SOX5: variants seen among roughly 807,000 people sequenced by gnomAD.
SOX5 encodes SRY-box transcription factor 5.
In SOX5, 9 loss-of-function variants were observed where a neutral mutation model predicts 92.0. The observed-to-expected ratio is 0.10, with a 90% CI of 0.06 to 0.17. The LOEUF (loss-of-function observed/expected upper bound fraction) is 0.17. Ranked by LOEUF, SOX5 falls within the 10% of genes least tolerant of loss-of-function variation. SOX5 has a pLI of 1.00. For synonymous variants in SOX5, 344 were observed against 336.3 expected, an observed-to-expected ratio of 1.02 and a Z score of -0.25; for missense variants, 642 against 944.5, an observed-to-expected ratio of 0.68 and a Z score of 4.20.
At chr12:23,585,928 T>G (rs1003338023) in intron 9 of SOX5, among the ~76,000 whole-genome samples, 1 of 152,104 alleles carries the variant, frequency 6.6e-6, no homozygotes, top group African/African-American at 2.4e-5. Flanking sequence ...TCACGGGCTA[T>G]GTAAATGGCA....
At chr12:23,780,236 A>AT (rs1162322062) in intron 3 of SOX5, among the ~76,000 whole-genome samples, 1 of 151,840 alleles carries the variant, frequency 6.6e-6, no homozygotes, top group Admixed American at 6.6e-5. Context: ...AAAGAGTGCT[A>AT]TTTTTTTCTT....
chr12:23,596,426 C>A (rs933559127), intron 9 of SOX5, among the ~76,000 whole-genome samples: 1 of 152,026 alleles, frequency 6.6e-6, no homozygotes, highest in Non-Finnish European at 1.5e-5. Context: ...TAAGAGAGAC[C>A]GCTAAAATTC....
At chr12:23,676,304 C>T (rs868690545) in intron 6 of SOX5, among the ~76,000 whole-genome samples, 9 of 152,074 alleles carry the variant, frequency 5.9e-5, no homozygotes, top group Admixed American at 2.0e-4. Context: ...CGTATACGTA[C>T]ATCAAAATAT....
intron 2 of SOX5, among the ~76,000 whole-genome samples, chr12:23,867,235 C>T (rs1463745468): frequency 6.6e-6 from 1 of 152,002 alleles, no homozygotes; most frequent in Non-Finnish European, 1.5e-5. Flanking sequence ...TCCATTAGTC[C>T]ATTTTCCACC....
intron 4 of SOX5, among the ~76,000 whole-genome samples, chr12:24,201,318 A>G (rs1957495463): frequency 1.3e-5 from 2 of 151,644 alleles, no homozygotes; most frequent in African/African-American, 4.8e-5. Flanking sequence ...AAAATCTGAT[A>G]AAATCACATG....
rs1295530885 is a variant in SOX5 at position 23,529,655 on chromosome 12, CCT to C, written c.*4562_*4563del. 2 of 151,910 alleles carry C rather than the reference CCT, an allele frequency of 1.3e-5. No individual in the cohort carries two copies. The highest frequency in any genetic ancestry group is 2.1e-4 in the South Asian group (1 of 4,824). The allele number at this position is 151,910 out of a possible 1,614,324, so 9.4% of individuals were successfully genotyped here. On this transcript the variant is annotated 3_prime_UTR_variant, in exon 15 of 15. Coordinates refer to ENST00000451604, the MANE Select transcript of SOX5 (RefSeq NM_006940.6). ...TCTTTTTTTTAAGAGCACATAAACT[CCT>C]GTTTTATTTTTATTGTGGCATGAAT...
chr12:23,591,155 A>G (rs1951489091), intron 9 of SOX5, among the ~76,000 whole-genome samples: 1 of 152,024 alleles, frequency 6.6e-6, no homozygotes, highest in Admixed American at 6.6e-5. Context: ...AACAATAGCT[A>G]GAAAGCATAT....
intron 2 of SOX5, among the ~76,000 whole-genome samples, chr12:23,866,644 C>G (rs907526136): frequency 2.6e-5 from 4 of 152,176 alleles, no homozygotes; most frequent in Admixed American, 2.6e-4. Context: ...ATAGTGAAAT[C>G]CAAAGTTTTT....
intron 6 of SOX5, among the ~76,000 whole-genome samples, chr12:23,692,607 T>C (rs528579349): frequency 6.6e-6 from 1 of 152,356 alleles, no homozygotes; most frequent in East Asian, 1.9e-4. Flanking sequence ...TATGTGTGTG[T>C]GAAAAGAATA....
chr12:24,216,510 T>A (rs1003689312), intron 3 of SOX5, among the ~76,000 whole-genome samples: 1 of 151,918 alleles, frequency 6.6e-6, no homozygotes, highest in Non-Finnish European at 1.5e-5. Flanking sequence ...AAATCCCATG[T>A]AATTAGAGTG....
intron 8 of SOX5, among the ~76,000 whole-genome samples, chr12:23,609,979 T>C (rs2075758601): frequency 1.3e-5 from 2 of 152,148 alleles, no homozygotes; most frequent in African/African-American, 4.8e-5. Flanking sequence ...TCATCTCTAA[T>C]GGCCCACTAT....
intron 3 of SOX5, among the ~76,000 whole-genome samples, chr12:23,759,878 G>A (rs1038229212): frequency 2.6e-5 from 4 of 152,084 alleles, no homozygotes; most frequent in African/African-American, 9.7e-5. Flanking sequence ...TTTGTACTAT[G>A]AATATGGTAT....
chr12:23,696,313 G>A (rs2089853353), intron 6 of SOX5, among the ~76,000 whole-genome samples: 1 of 152,056 alleles, frequency 6.6e-6, no homozygotes, highest in African/African-American at 2.4e-5. Flanking sequence ...TAGTGTAGAG[G>A]TATTCAGGGC....
intron 4 of SOX5, among the ~76,000 whole-genome samples, chr12:24,123,125 C>A (rs535753798): frequency 6.6e-6 from 1 of 152,390 alleles, no homozygotes; most frequent in East Asian, 1.9e-4. Flanking sequence ...GACACCTCCT[C>A]TGATACATGC....
At chr12:24,463,311 C>T (rs1027941957) in intron 1 of SOX5, among the ~76,000 whole-genome samples, 4 of 152,072 alleles carry the variant, frequency 2.6e-5, no homozygotes, top group African/African-American at 9.7e-5. Context: ...TTATTAATTA[C>T]AGAGTCTAAG....
intron 4 of SOX5, among the ~76,000 whole-genome samples, chr12:23,979,570 GGCCTCC>G (rs1310228430): frequency 6.6e-6 from 1 of 151,054 alleles, no homozygotes; most frequent in Non-Finnish European, 1.5e-5. Flanking sequence ...TAATTTTACT[GGCCTCC>G]TAAAAAAAGA....
chr12:23,907,111 G>A (rs981383166), intron 1 of SOX5, among the ~76,000 whole-genome samples: 5 of 152,056 alleles, frequency 3.3e-5, no homozygotes, highest in African/African-American at 1.2e-4. Flanking sequence ...TTCTATCGTT[G>A]AATAAACCTG....
intron 1 of SOX5, among the ~76,000 whole-genome samples, chr12:24,451,427 G>A (rs1348268628): frequency 6.6e-6 from 1 of 152,036 alleles, no homozygotes; most frequent in African/African-American, 2.4e-5. Context: ...AGTGTATAAG[G>A]GTTCCCTTTT....
intron 4 of SOX5, among the ~76,000 whole-genome samples, chr12:23,979,447 C>T (rs1949267874): frequency 6.6e-6 from 1 of 151,974 alleles, no homozygotes; most frequent in South Asian, 2.1e-4. Context: ...TGGTGTTGAA[C>T]TCCTGACATC....
Sources: gnomAD v4.1 joint callset for allele counts (sites outside exome capture counted in the v4.1 genomes callset) on GRCh38, gnomAD v4.1.1 for gene constraint, MANE v1.5 for transcripts, NCBI Gene and HGNC (gene_info 2026-07-23, HGNC 2026-07-21) for gene names.